The following SMIM14 variants were observed in gnomAD, a reference collection of about 807,000 sequenced individuals.
The protein encoded by SMIM14 is small integral membrane protein 14, also known as chromosome 4 open reading frame 34.
SMIM14 carries 5 observed loss-of-function variants against 12.6 expected under a neutral mutation model. The ratio of observed to expected loss-of-function variants is 0.40; its 90% CI spans 0.21 to 0.83. SMIM14 has a LOEUF of 0.83. Among genes scored for constraint, SMIM14 ranks in the 40% least tolerant of loss-of-function variants. The pLI, the probability that SMIM14 is intolerant of heterozygous loss-of-function variation, is 0.37. For synonymous variants in SMIM14, 30 were observed against 40.1 expected (o/e 0.75, Z 0.95); for missense variants, 86 against 119.1 (o/e 0.72, Z 1.29).
intron 3 of SMIM14, among the ~76,000 whole-genome samples, chr4:39,568,643 T>A (rs1056662294): frequency 6.6e-6 from 1 of 152,172 alleles, no homozygotes; most frequent in Non-Finnish European, 1.5e-5. Context: ...TATTTAATTT[T>A]AAAAAATAAC....
At chr4:39,616,641 T>A (rs200980671) in intron 1 of SMIM14, among the ~76,000 whole-genome samples, 70 of 137,256 alleles carry the variant, frequency 5.1e-4, no homozygotes, top group African/African-American at 1.5e-3. Flanking sequence ...TCCTTACATT[T>A]AAAAAAAAAA....
chr4:39,631,950 A>G (rs1715914840), intron 1 of SMIM14, among the ~76,000 whole-genome samples: 1 of 152,076 alleles, frequency 6.6e-6, no homozygotes, highest in Non-Finnish European at 1.5e-5. Flanking sequence ...ATTCAATATG[A>G]AAATAAGCAA....
intron 1 of SMIM14, among the ~76,000 whole-genome samples, chr4:39,629,354 C>T (rs1715821707): frequency 3.3e-5 from 3 of 91,000 alleles, no homozygotes; most frequent in Non-Finnish European, 4.2e-5. Flanking sequence ...AAGCAAGACT[C>T]TGTCTCAAAA....
chr4:39,560,250 C>CTT (rs773257583), intron 3 of SMIM14, among the ~76,000 whole-genome samples: 103 of 140,728 alleles, frequency 7.3e-4, no homozygotes, highest in South Asian at 2.3e-3. Flanking sequence ...CTTTTCTTTT[C>CTT]TTTTTTTTTT....
chr4:39,605,886 A>G (rs10009783), intron 1 of SMIM14, among the ~76,000 whole-genome samples: 119,900 of 152,028 alleles, frequency 0.79, 47,881 homozygotes, highest in Non-Finnish European at 0.85. Context: ...GATTACAGGC[A>G]TGCACCACGC....
At chr4:39,596,985 A>G (rs889424757) in intron 2 of SMIM14, among the ~76,000 whole-genome samples, 1 of 151,694 alleles carries the variant, frequency 6.6e-6, no homozygotes, top group Non-Finnish European at 1.5e-5. Context: ...CGTATTGCCC[A>G]GGCTGGTCTT....
intron 2 of SMIM14, among the ~76,000 whole-genome samples, chr4:39,602,945 A>G (rs1256752658): frequency 6.6e-6 from 1 of 152,220 alleles, no homozygotes; most frequent in Non-Finnish European, 1.5e-5. Flanking sequence ...ATTAACTGAC[A>G]TACAAGAGTA....
chr4:39,616,572 G>GT (rs1319681528), intron 1 of SMIM14, among the ~76,000 whole-genome samples: 3 of 149,296 alleles, frequency 2.0e-5, no homozygotes, highest in Admixed American at 1.3e-4. Context: ...ACATCAAAAC[G>GT]TAACAGAATA....
intron 2 of SMIM14, among the ~76,000 whole-genome samples, chr4:39,596,237 A>G (rs1203739681): frequency 6.6e-6 from 1 of 152,114 alleles, no homozygotes; most frequent in Non-Finnish European, 1.5e-5. Flanking sequence ...CTGGGATTAC[A>G]GGCATGTGCC....
intron 1 of SMIM14, 27 bp downstream of exon 1, chr4:39,638,712 G>C: frequency 2.0e-6 from 2 of 985,440 alleles, no homozygotes; most frequent in Non-Finnish European, 2.4e-6. Context: ...GCCAGCAAAC[G>C]CTGGTGGGAG....
chr4:39,571,991 A>T (rs1712915194), intron 3 of SMIM14, among the ~76,000 whole-genome samples: 1 of 151,856 alleles, frequency 6.6e-6, no homozygotes, highest in African/African-American at 2.4e-5. Flanking sequence ...TTTTGTAGAG[A>T]CAGGGTTTCC....
chr4:39,580,809 GCTAC>G (rs1386701530), intron 2 of SMIM14, among the ~76,000 whole-genome samples: 4 of 152,118 alleles, frequency 2.6e-5, no homozygotes, highest in African/African-American at 9.7e-5. Flanking sequence ...ACAGGTGTGA[GCTAC>G]CGCACCCAGC....
intron 2 of SMIM14, among the ~76,000 whole-genome samples, chr4:39,604,398 G>C (rs924797834): frequency 6.6e-6 from 1 of 151,564 alleles, no homozygotes; most frequent in Non-Finnish European, 1.5e-5. Flanking sequence ...TTAGCCAGGC[G>C]TGGTGGCACA....
At chr4:39,583,341 T>G (rs923205822) in intron 2 of SMIM14, among the ~76,000 whole-genome samples, 6 of 152,062 alleles carry the variant, frequency 3.9e-5, no homozygotes, top group African/African-American at 1.5e-4. Context: ...CAAGCAATCT[T>G]CCCACCTCAG....
At chr4:39,589,689 G>GA (rs953714520) in intron 2 of SMIM14, 4 of 152,100 alleles carry the variant, frequency 2.6e-5, no homozygotes, top group African/African-American at 9.7e-5. Context: ...TTCAATGGAA[G>GA]AAAAATCCCC....
At chr4:39,580,068 A>T (rs181963694) in intron 2 of SMIM14, among the ~76,000 whole-genome samples, 13 of 152,328 alleles carry the variant, frequency 8.5e-5, no homozygotes, top group Admixed American at 7.8e-4. Flanking sequence ...ACATCTGCTC[A>T]AGAACCTCAT....
intron 2 of SMIM14, among the ~76,000 whole-genome samples, chr4:39,597,180 G>A (rs1337169362): frequency 6.7e-6 from 1 of 149,092 alleles, no homozygotes; most frequent in Non-Finnish European, 1.5e-5. Context: ...GGACATCTGA[G>A]AAGCAGATTT....
chr4:39,562,278 GAGGTGGGAGGATC>G (rs1383496551), intron 3 of SMIM14, among the ~76,000 whole-genome samples: 4 of 152,100 alleles, frequency 2.6e-5, no homozygotes, highest in African/African-American at 9.7e-5. Context: ...TCGGGAGGCT[GAGGTGGGAGGATC>G]ACTTAAGCCC....
intron 1 of SMIM14, among the ~76,000 whole-genome samples, chr4:39,628,068 C>A (rs1016044075): frequency 1.3e-5 from 2 of 151,158 alleles, no homozygotes; most frequent in Non-Finnish European, 3.0e-5. Flanking sequence ...CAGCACTTTG[C>A]GGGGCCAAGG....
Sources: allele counts gnomAD v4.1 joint callset (sites outside exome capture counted in the v4.1 genomes callset), GRCh38; gene constraint gnomAD v4.1.1; transcripts MANE v1.5; gene names NCBI Gene and HGNC (gene_info 2026-07-23, HGNC 2026-07-21).